The following PPP2R5E variants were observed in gnomAD, a reference collection of about 807,000 sequenced individuals.
PPP2R5E encodes protein phosphatase 2 regulatory subunit B'epsilon, also known as serine/threonine-protein phosphatase 2A 56 kDa regulatory subunit epsilon isoform.
Under a neutral mutation model 65.3 loss-of-function variants are expected in PPP2R5E, and 4 were observed. That is an observed-to-expected ratio of 0.06 (90% CI 0.03 to 0.14). The LOEUF (loss-of-function observed/expected upper bound fraction) is 0.14. PPP2R5E is among the 10% of genes least tolerant of loss of function. The pLI, the probability that PPP2R5E is intolerant of heterozygous loss-of-function variation, is 1.00. For missense variants in PPP2R5E, 274 were observed against 556.1 expected, an observed-to-expected ratio of 0.49 and a Z score of 5.10; for synonymous variants, 183 against 187.4, an observed-to-expected ratio of 0.98 and a Z score of 0.19.
intron 5 of PPP2R5E, among the ~76,000 whole-genome samples, chr14:63,410,629 G>A (rs140332649): frequency 8.8e-4 from 134 of 152,282 alleles, no homozygotes; most frequent in Middle Eastern, 3.4e-3. Context: ...AGAAGGCACC[G>A]GGAGCGAAGG....
intron 2 of PPP2R5E, among the ~76,000 whole-genome samples, chr14:63,466,964 C>T (rs112141122): frequency 0.029 from 4,448 of 152,192 alleles, 192 homozygotes; most frequent in African/African-American, 0.097. Flanking sequence ...CAGTGGCTCA[C>T]GCCTGTAATC....
intron 3 of PPP2R5E, among the ~76,000 whole-genome samples, chr14:63,443,413 T>C (rs1888331438): frequency 6.6e-6 from 1 of 152,150 alleles, no homozygotes. Context: ...GTGACAAGGT[T>C]GAACACTTTT....
intron 2 of PPP2R5E, among the ~76,000 whole-genome samples, chr14:63,491,846 T>G (rs1035145474): frequency 2.0e-5 from 3 of 152,090 alleles, no homozygotes; most frequent in Non-Finnish European, 2.9e-5. Context: ...AAACTCCATC[T>G]CAAAAAAATT....
In PPP2R5E at chr14:63,488,900, T is replaced by C. The variant is rs936986635; in HGVS notation, c.158-35015A>G. ...ATAAATATAAATATAAATTTAAAAA[T>C]TCCCAAAAAGACTTTCATGAAAGCT... On this transcript the variant is annotated intron_variant, in intron 2 of 13. Transcript: ENST00000337537. Among the ~76,000 whole-genome samples the C allele has an allele frequency of 2.6e-4, 40 of 151,460 alleles. No homozygotes were observed. The South Asian group carries it at 3.3e-3, about 13-fold the overall frequency.
At chr14:63,524,360 C>T (rs998300442) in intron 2 of PPP2R5E, among the ~76,000 whole-genome samples, 5 of 152,164 alleles carry the variant, frequency 3.3e-5, no homozygotes, top group African/African-American at 1.2e-4. Context: ...GATGAGGGAA[C>T]GCATATTTAT....
intron 3 of PPP2R5E, among the ~76,000 whole-genome samples, chr14:63,430,978 G>C (rs1259433496): frequency 2.6e-5 from 4 of 151,938 alleles, no homozygotes; most frequent in Non-Finnish European, 5.9e-5. Flanking sequence ...ATAGTATAAA[G>C]GCATGTCCTG....
chr14:63,427,094 G>A (rs1455855984), intron 3 of PPP2R5E, among the ~76,000 whole-genome samples: 1 of 152,130 alleles, frequency 6.6e-6, no homozygotes, highest in Non-Finnish European at 1.5e-5. Context: ...CGGTTAAATG[G>A]ATTATTAAAT....
At chr14:63,501,404 CAAAA>C (rs140023470) in intron 2 of PPP2R5E, among the ~76,000 whole-genome samples, 3 of 87,092 alleles carry the variant, frequency 3.4e-5, no homozygotes, top group Non-Finnish European at 5.2e-5. Flanking sequence ...GACTCCGTCT[CAAAA>C]AAAAAAAAAA....
intron 12 of PPP2R5E, among the ~76,000 whole-genome samples, chr14:63,382,982 G>C (rs1468521453): frequency 6.6e-6 from 1 of 152,046 alleles, no homozygotes; most frequent in Non-Finnish European, 1.5e-5. Flanking sequence ...CCTCATGTAG[G>C]TTGGGTGGTT....
At chr14:63,507,575 CTTTTT>C (rs756154248) in intron 2 of PPP2R5E, among the ~76,000 whole-genome samples, 8 of 105,514 alleles carry the variant, frequency 7.6e-5, no homozygotes, top group East Asian at 2.7e-4. Flanking sequence ...GGGTAATTCT[CTTTTT>C]TTTTTTTTTT....
chr14:63,388,795 G>GT (rs1228101190), intron 11 of PPP2R5E, among the ~76,000 whole-genome samples: 5 of 152,192 alleles, frequency 3.3e-5, no homozygotes, highest in African/African-American at 1.2e-4. Flanking sequence ...AAATGACACC[G>GT]TTAGAGGTCT....
chr14:63,387,420 C>T (rs758408294), intron 11 of PPP2R5E, among the ~76,000 whole-genome samples: 25 of 151,914 alleles, frequency 1.6e-4, no homozygotes, highest in Admixed American at 7.2e-4. Flanking sequence ...TTCCTGGGAT[C>T]CACTGTCCTT....
intron 4 of PPP2R5E, among the ~76,000 whole-genome samples, chr14:63,417,556 A>G (rs1049569106): frequency 6.6e-6 from 1 of 152,112 alleles, no homozygotes; most frequent in Non-Finnish European, 1.5e-5. Flanking sequence ...CTTTTCCATA[A>G]GATAACCATT....
intron 2 of PPP2R5E, among the ~76,000 whole-genome samples, chr14:63,520,285 T>C (rs569614148): frequency 6.6e-6 from 1 of 152,104 alleles, no homozygotes; most frequent in South Asian, 2.1e-4. Context: ...TCCGCCCGCC[T>C]CGGCCTCCCA....
intron 2 of PPP2R5E, among the ~76,000 whole-genome samples, chr14:63,530,226 GTTTT>G (rs555112537): frequency 2.2e-4 from 22 of 99,452 alleles, no homozygotes; most frequent in African/African-American, 3.3e-4. Context: ...AAATTTTTCC[GTTTT>G]TTTTTTTTTT....
chr14:63,389,952 A>G (rs1884913023), intron 10 of PPP2R5E, among the ~76,000 whole-genome samples: 1 of 152,112 alleles, frequency 6.6e-6, no homozygotes, highest in Admixed American at 6.6e-5. Flanking sequence ...AAAATACTCT[A>G]CTTGGTATAT....
intron 2 of PPP2R5E, among the ~76,000 whole-genome samples, chr14:63,471,329 T>C (rs1339180470): frequency 6.6e-6 from 1 of 152,230 alleles, no homozygotes; most frequent in Non-Finnish European, 1.5e-5. Flanking sequence ...TCTTTCAGGA[T>C]CTTGACTATA....
intron 2 of PPP2R5E, among the ~76,000 whole-genome samples, chr14:63,531,790 T>C (rs971700491): frequency 7.2e-5 from 11 of 151,808 alleles, no homozygotes; most frequent in Non-Finnish European, 1.5e-4. Context: ...CCCATCTCTA[T>C]TAAAAATACA....
At chr14:63,481,427 C>T (rs968329862) in intron 2 of PPP2R5E, among the ~76,000 whole-genome samples, 8 of 143,958 alleles carry the variant, frequency 5.6e-5, no homozygotes, top group African/African-American at 1.5e-4. Context: ...ATCCAGGGGG[C>T]GGAGGTTGCA....
Sources: allele counts gnomAD v4.1 joint callset (sites outside exome capture counted in the v4.1 genomes callset), GRCh38; gene constraint gnomAD v4.1.1; transcripts MANE v1.5; gene names NCBI Gene and HGNC (gene_info 2026-07-23, HGNC 2026-07-21).